Variants in RPS6KL1 observed in about 807,000 individuals in gnomAD.
RPS6KL1 encodes the protein ribosomal protein S6 kinase-like 1.
RPS6KL1 carries 41 observed loss-of-function variants against 57.0 expected under a neutral mutation model. The ratio of observed to expected loss-of-function variants is 0.72; its 90% CI spans 0.56 to 0.93. RPS6KL1 has a LOEUF of 0.93. RPS6KL1 is among the 40% of genes least tolerant of loss of function. The pLI is 0.00. For missense variants in RPS6KL1, 697 were observed against 727.7 expected (o/e 0.96, Z 0.49); for synonymous variants, 287 against 309.7 (o/e 0.93, Z 0.77).
chr14:74,905,189 G>T lies in RPS6KL1; in HGVS notation c.*1825C>A, dbSNP rs2140218388. On this transcript the variant is annotated 3_prime_UTR_variant, in exon 12 of 12. Coordinates refer to ENST00000557413, the MANE Select transcript of RPS6KL1 (RefSeq NM_031464.5). ...CAGGGCCCAACAAAGTGTCAGATGT[G>T]TAGCTTTGGGTGGATGAAGCACAGA... 1 of 152,260 alleles carries T rather than the reference G, an allele frequency of 6.6e-6. No individual in the cohort carries two copies. The highest frequency in any genetic ancestry group is 1.5e-5 in the Non-Finnish European group (1 of 68,012). The allele number at this position is 152,260 out of a possible 1,614,324, so 9.4% of individuals were successfully genotyped here. A position where few individuals can be genotyped will look rare whatever the true frequency, so the allele number is the denominator to read the frequency against.
At chr14:74,911,945 T>A in intron 5 of RPS6KL1, 104 bp from the exon 6 acceptor site, 3 of 881,112 alleles carry the variant, frequency 3.4e-6, no homozygotes, top group Non-Finnish European at 5.5e-6. Context: ...GCTGACTCAC[T>A]CCAGTGGCAG....
Position 74,918,589 on chromosome 14 carries a change from C to T in RPS6KL1, c.407G>A (p.Arg136Lys). The T allele has an allele frequency of 6.5e-7, 1 of 1,534,450 alleles. No individual in the cohort carries two copies. The highest frequency in any genetic ancestry group is 8.7e-7 in the Non-Finnish European group (1 of 1,146,118). The change falls in exon 5 of 12, where the codon AGG becomes AAG. Residue 136 changes from arginine (R) to lysine (K), a missense_variant. Physicochemically the swap from Arg to Lys is conservative, Grantham distance 26. Coordinates refer to ENST00000557413, the MANE Select transcript of RPS6KL1 (RefSeq NM_031464.5). Reference sequence around the variant, plus strand: ...GCTCAGCGTGCGAATGGGCCGGAGCCTCAGGCTGCTGAAACCCTGCAGAGG... The same window carrying T: ...GCTCAGCGTGCGAATGGGCCGGAGCTTCAGGCTGCTGAAACCCTGCAGAGG... Reference protein sequence around the residue: ...ASPSAGFSSLRLRPIRTLSSA... With the variant: ...ASPSAGFSSLKLRPIRTLSSA...
intron 9 of RPS6KL1, 55 bp downstream of exon 9, chr14:74,909,046 A>T: frequency 6.3e-7 from 1 of 1,592,126 alleles, no homozygotes. Context: ...TCTGGGCACA[A>T]CCCACACAAA....
At position 74,909,191 on chromosome 14, in the gene RPS6KL1, C is replaced by T. The variant is rs1424918976; in HGVS notation, c.1271-1G>A. The T allele has an allele frequency of 2.5e-6, 4 of 1,613,940 alleles. No homozygotes were observed. Among genetic ancestry groups the T allele is most frequent in the Non-Finnish European group, 3.4e-6 (4 of 1,179,916 alleles). ...CCAAAATATGTGAGCCGGATGTGAC[C>T]TCCAGTGTGTGGGAGGAAAAAGGAG... On this transcript the variant is annotated splice_acceptor_variant, in intron 8 of 11. Transcript: ENST00000557413. LOFTEE classifies it high-confidence loss of function.
At chr14:74,921,191 C>G (rs1887767040) in intron 3 of RPS6KL1, 86 bp downstream of exon 3, 2 of 1,231,504 alleles carry the variant, frequency 1.6e-6, no homozygotes, top group East Asian at 2.4e-5. Flanking sequence ...TACAAATGGA[C>G]AGGGGACAAG....
intron 5 of RPS6KL1, among the ~76,000 whole-genome samples, chr14:74,914,225 TCCC>T (rs1886483309): frequency 6.6e-6 from 1 of 152,246 alleles, no homozygotes; most frequent in East Asian, 1.9e-4. Context: ...TGGGCTTGGC[TCCC>T]TGACCAAACT....
Position 74,906,417 on chromosome 14 carries a change from TG to T in RPS6KL1, c.*596del, listed in dbSNP as rs1566805853. ...TGGTCAGGAATCGGGGGTGGGGGGGTGGGGGTGGGGGTCATCCTGTCCCCTA... is the reference window on the plus strand; with the variant it reads ...TGGTCAGGAATCGGGGGTGGGGGGGTGGGGTGGGGGTCATCCTGTCCCCTA... On this transcript the variant is annotated 3_prime_UTR_variant, in exon 12 of 12. Transcript: ENST00000557413. 3.3e-4 allele frequency: 53 copies of T among 162,982 alleles called. 1 individual carries two copies. Among genetic ancestry groups the T allele is most frequent in the African/African-American group, 2.5e-3 (26 of 10,482 alleles). The allele number at this position is 162,982 out of a possible 1,614,324, so 10.1% of individuals were successfully genotyped here.
At chr14:74,916,767 T>C (rs1172462388) in intron 5 of RPS6KL1, among the ~76,000 whole-genome samples, 1 of 152,146 alleles carries the variant, frequency 6.6e-6, no homozygotes, top group East Asian at 1.9e-4. Flanking sequence ...TAAACCACTT[T>C]CCTGAGGCTA....
In RPS6KL1 at chr14:74,905,750, A is replaced by AGTCT. The variant is rs1390962259; in HGVS notation, c.*1260_*1263dup. 1 of 152,244 alleles carries AGTCT rather than the reference A, an allele frequency of 6.6e-6. No individual in the cohort carries two copies. Among genetic ancestry groups the AGTCT allele is most frequent in the African/African-American group, 2.4e-5 (1 of 41,430 alleles). 9.4% of individuals were successfully genotyped at this position (152,244 alleles called of 1,614,324 possible). On this transcript the variant is annotated 3_prime_UTR_variant, in exon 12 of 12. Coordinates refer to ENST00000557413, the MANE Select transcript of RPS6KL1 (RefSeq NM_031464.5). ...CGCTTTCACTTGTCTTCTCTGTCTCAGTCTCCTGAAGAGCCCGAGGAAGTC... is the reference window on the plus strand; with the variant it reads ...CGCTTTCACTTGTCTTCTCTGTCTCAGTCTGTCTCCTGAAGAGCCCGAGGAAGTC...
At chr14:74,913,650 A>C (rs1359300782) in intron 5 of RPS6KL1, among the ~76,000 whole-genome samples, 1 of 152,236 alleles carries the variant, frequency 6.6e-6, no homozygotes, top group Non-Finnish European at 1.5e-5. Flanking sequence ...CTGCCAAGTC[A>C]CATGGCCTCT....
At chr14:74,911,702 G>T in intron 6 of RPS6KL1, 92 bp downstream of exon 6, 1 of 1,221,112 alleles carries the variant, frequency 8.2e-7, no homozygotes, top group Non-Finnish European at 1.2e-6. Flanking sequence ...AGGGAGTGCA[G>T]GCTTCAAATG....
intron 5 of RPS6KL1, among the ~76,000 whole-genome samples, chr14:74,916,710 T>G (rs1886909789): frequency 6.6e-6 from 1 of 151,698 alleles, no homozygotes; most frequent in African/African-American, 2.4e-5. Flanking sequence ...TGGGCTTGGC[T>G]TTAATTTGTG....
chr14:74,919,613 G>T (rs551308830), intron 4 of RPS6KL1, among the ~76,000 whole-genome samples: 1 of 152,354 alleles, frequency 6.6e-6, no homozygotes, highest in East Asian at 1.9e-4. Flanking sequence ...CAGACGACTG[G>T]AGATGACTCA....
In RPS6KL1 at chr14:74,909,626, A is replaced by C; in HGVS notation, c.1187T>G (p.Met396Arg). ...GTGCAGCGCCTCCAGCGCTACCAGC[A>C]TCTCTGCCGCCCACTGCTTCACCTG... ...EEQVKQWAAE[M>R]LVALEALHEQ... The change falls in exon 8 of 12, where the codon ATG becomes AGG. Residue 396 changes from methionine to arginine, a missense_variant. Coordinates refer to ENST00000557413, the MANE Select transcript of RPS6KL1 (RefSeq NM_031464.5). 1 of 1,612,030 alleles carries C rather than the reference A, an allele frequency of 6.2e-7. No individual in the cohort carries two copies. Among genetic ancestry groups the C allele is most frequent in the South Asian group, 1.1e-5 (1 of 91,078 alleles).
At chr14:74,920,465 TGCCCACCTCAAGGCCTGGCCACCAGG>T (rs1566837353) in intron 3 of RPS6KL1, among the ~76,000 whole-genome samples, 3 of 151,896 alleles carry the variant, frequency 2.0e-5, no homozygotes, top group Non-Finnish European at 4.4e-5. Context: ...AAGGGCCCAG[TGCCCACCTCAAGGCCTGGCCACCAGG>T]GCCCACAGGC....
At chr14:74,917,980 C>T (rs1184141417) in intron 5 of RPS6KL1, among the ~76,000 whole-genome samples, 1 of 152,192 alleles carries the variant, frequency 6.6e-6, no homozygotes, top group Non-Finnish European at 1.5e-5. Flanking sequence ...GCAGGGTGCC[C>T]TGGGCATAGC....
rs1164598024 is a variant in RPS6KL1 at position 74,922,431 on chromosome 14, T to C, written c.-474A>G. The C allele has an allele frequency of 1.3e-6, 1 of 754,240 alleles. No homozygotes were observed. Among genetic ancestry groups the C allele is most frequent in the Non-Finnish European group, 1.6e-6 (1 of 618,046 alleles). The allele number at this position is 754,240 out of a possible 1,614,324, so 46.7% of individuals were successfully genotyped here. On this transcript the variant is annotated 5_prime_UTR_variant, in exon 2 of 12. Coordinates refer to ENST00000557413, the MANE Select transcript of RPS6KL1 (RefSeq NM_031464.5). ...TCCTGAGGTCAGTGTGGTCAGCGAG[T>C]GAGGACCCCTCCTGGAGCCAGCAGA...
rs752018770 is a variant in RPS6KL1, at chr14:74,922,031, G to A, written c.-74C>T. 4.1e-5 allele frequency: 12 copies of A among 295,244 alleles called. No individual in the cohort carries two copies. Among genetic ancestry groups the A allele is most frequent in the Admixed American group, 1.1e-4 (2 of 18,842 alleles). The allele number at this position is 295,244 out of a possible 1,614,324, so 18.3% of individuals were successfully genotyped here. ...TGACCTCAAGTGATCCGTCTGCCTC[G>A]GCCTCCCACAGTGCTGGGATTATAG... On this transcript the variant is annotated 5_prime_UTR_variant, in exon 2 of 12. Coordinates refer to ENST00000557413, the MANE Select transcript of RPS6KL1 (RefSeq NM_031464.5).
rs113144927 is a variant in RPS6KL1 at position 74,906,921 on chromosome 14, C to T, written c.*93G>A. On this transcript the variant is annotated 3_prime_UTR_variant, in exon 12 of 12. Coordinates refer to ENST00000557413, the MANE Select transcript of RPS6KL1 (RefSeq NM_031464.5). ...TGCCCTCCATTCCTCGCCCAAAGCCCGCTGATAGAGGGCCAGCCCTGGGTT... is the reference window on the plus strand; with the variant it reads ...TGCCCTCCATTCCTCGCCCAAAGCCTGCTGATAGAGGGCCAGCCCTGGGTT... The T allele has an allele frequency of 0.015, 12,098 of 805,138 alleles. 180 individuals carry two copies. Among genetic ancestry groups the T allele is most frequent in the South Asian group, 0.049 (3,295 of 67,688 alleles). The allele number at this position is 805,138 out of a possible 1,614,324, so 49.9% of individuals were successfully genotyped here. A position where few individuals can be genotyped will look rare whatever the true frequency, so the allele number is the denominator to read the frequency against.
Sources: gnomAD v4.1 joint callset for allele counts (sites outside exome capture counted in the v4.1 genomes callset) on GRCh38, gnomAD v4.1.1 for gene constraint, MANE v1.5 for transcripts, NCBI Gene and HGNC (gene_info 2026-07-23, HGNC 2026-07-21) for gene names.